The following RHBG variants were observed in gnomAD, a reference collection of about 807,000 sequenced individuals.
RHBG encodes the protein Rh family B glycoprotein.
In RHBG, 39 loss-of-function variants were observed where a neutral mutation model predicts 40.1. That is an observed-to-expected ratio of 0.97 (90% CI 0.75 to 1.27). RHBG has a LOEUF of 1.27. RHBG is among the 50% of genes most tolerant of loss of function. The pLI is 0.00. For missense variants in RHBG, 549 were observed against 588.1 expected, an observed-to-expected ratio of 0.93 and a Z score of 0.69; for synonymous variants, 237 against 252.5, an observed-to-expected ratio of 0.94 and a Z score of 0.58.
intron 1 of RHBG, among the ~76,000 whole-genome samples, chr1:156,370,177 G>A (rs546714016): frequency 6.6e-5 from 10 of 152,182 alleles, no homozygotes; most frequent in African/African-American, 1.7e-4. Flanking sequence ...GGCCGGGCGC[G>A]GTGCCTCATG....
intron 1 of RHBG, among the ~76,000 whole-genome samples, chr1:156,375,753 T>C (rs1276096111): frequency 6.6e-6 from 1 of 152,034 alleles, no homozygotes; most frequent in Non-Finnish European, 1.5e-5. Context: ...TTTCTTTTTT[T>C]TTTTTGACAC....
Position 156,381,421 on chromosome 1 carries a change from A to T in RHBG, c.748A>T (p.Thr250Ser), listed in dbSNP as rs760016272. Residue 250 changes from threonine (T) to serine (S), a missense_variant, in exon 5 of 10, where the codon ACG (threonine) becomes TCG (serine). Physicochemically the swap from Thr to Ser is moderately conservative, Grantham distance 58. Coordinates refer to ENST00000537040, the MANE Select transcript of RHBG (RefSeq NM_020407.5). ...LTALGAGQHR[T>S]ALNTYYSLAA... Reference sequence around the variant, plus strand: ...AGCGCTGGGGGCTGGGCAGCATCGGACGGCCCTCAACACATACTACTCCCT... The same window carrying T: ...AGCGCTGGGGGCTGGGCAGCATCGGTCGGCCCTCAACACATACTACTCCCT... 137 of 1,613,904 alleles carry T rather than the reference A, an allele frequency of 8.5e-5. No individual in the cohort carries two copies. The highest frequency in any genetic ancestry group is 1.1e-4 in the Non-Finnish European group (133 of 1,180,024).
chr1:156,384,973 T>A lies in RHBG; in HGVS notation c.*128T>A. 3.2e-6 allele frequency: 2 copies of A among 627,454 alleles called. No homozygotes were observed. The highest frequency in any genetic ancestry group is 2.7e-4 in the Middle Eastern group (1 of 3,728). The allele number at this position is 627,454 out of a possible 1,614,324, so 38.9% of individuals were successfully genotyped here. The stretch of plus-strand genomic sequence containing the variant: ...GAGCCATGAGCCAGAAGGAGGCCCC[T>A]TTCCACAGGCAGCGTCTCCACAGGG... On this transcript the variant is annotated 3_prime_UTR_variant, in exon 10 of 10. Coordinates refer to ENST00000537040, the MANE Select transcript of RHBG (RefSeq NM_020407.5).
At position 156,377,972 on chromosome 1, in the gene RHBG, C is replaced by A; in HGVS notation, c.375-18C>A. ...CTCTCTGACCCCTCTTGTGCTCCCA[C>A]TTCTGCCCCATCCCCAGCATGATCA... On this transcript the variant is annotated intron_variant, in intron 2 of 9. Coordinates refer to ENST00000537040, the MANE Select transcript of RHBG (RefSeq NM_020407.5). This position sits in a 1 kb window ranked among gnomAD's most constrained non-coding sequence, Gnocchi z 4.6. 3.9e-6 allele frequency: 6 copies of A among 1,531,124 alleles called. No homozygotes were observed. The highest frequency in any genetic ancestry group is 5.3e-6 in the Non-Finnish European group (6 of 1,136,394). The allele number at this position is 1,531,124 out of a possible 1,614,324, so 94.8% of individuals were successfully genotyped here.
intron 1 of RHBG, chr1:156,371,318 C>T (rs948045023): frequency 3.1e-6 from 1 of 317,728 alleles, no homozygotes; most frequent in African/African-American, 2.3e-5. Context: ...CACCAAAACA[C>T]CTAGATAAGT....
chr1:156,377,585 A>T lies in RHBG; in HGVS notation c.374+98A>T. The T allele has an allele frequency of 7.7e-7, 1 of 1,295,534 alleles. No individual in the cohort carries two copies. The highest frequency in any genetic ancestry group is 1.5e-5 in the South Asian group (1 of 68,512). 80.3% of individuals were successfully genotyped at this position (1,295,534 alleles called of 1,614,324 possible). A position where few individuals can be genotyped will look rare whatever the true frequency, so the allele number is the denominator to read the frequency against. Reference sequence around the variant, plus strand: ...CCCTGTCCTTCAAGTCTGCTTCCTGACTCACGATTCTGGGCGTCACTTGGT... The same window carrying T: ...CCCTGTCCTTCAAGTCTGCTTCCTGTCTCACGATTCTGGGCGTCACTTGGT... On this transcript the variant is annotated intron_variant, in intron 2 of 9. Transcript: ENST00000537040. The surrounding 1 kb of genome is among the most constrained non-coding windows in gnomAD (Gnocchi z 4.6).
Position 156,384,586 on chromosome 1 carries a change from C to G in RHBG, c.1294C>G (p.Gln432Glu), listed in dbSNP as rs2101814452. Reference protein sequence around the residue: ...SPPDSQHYEDQVHWQVPGEHE... With the variant: ...SPPDSQHYEDEVHWQVPGEHE... ...CCCAGACTCCCAGCACTACGAGGAC[C>G]AAGTTCACTGGCAGGTGAGACATTG... is the stretch of plus-strand genomic sequence containing the variant. The change falls in exon 9 of 10, where the codon CAA (glutamine) becomes GAA (glutamate). Residue 432 changes from glutamine to glutamate, a missense_variant. Physicochemically the swap from Gln to Glu is conservative, Grantham distance 29 (BLOSUM62 2). Transcript: ENST00000537040. 6.3e-7 allele frequency: 1 copy of G among 1,578,276 alleles called. No individual in the cohort carries two copies. The highest frequency in any genetic ancestry group is 1.4e-5 in the African/African-American group (1 of 74,022).
In RHBG at chr1:156,378,406, C is replaced by A. The variant is rs893874874; in HGVS notation, c.673+7C>A. 3 of 1,586,510 alleles carry A rather than the reference C, an allele frequency of 1.9e-6. No homozygotes were observed. The highest frequency in any genetic ancestry group is 1.3e-5 in the African/African-American group (1 of 74,370). ...GACCTCTTCGCCATGATTGGTGAGG[C>A]CTTCGAGGTGCGGTAGCAGGGCAGG... On this transcript the variant is annotated splice_region_variant and intron_variant, in intron 4 of 9. Transcript: ENST00000537040.
chr1:156,374,875 T>A, intron 1 of RHBG: 1 of 239,612 alleles, frequency 4.2e-6, no homozygotes, highest in Non-Finnish European at 8.4e-6. Context: ...CATGAGCCAC[T>A]TCACCTGGCC....
chr1:156,373,202 G>A (rs1666965566), intron 1 of RHBG, among the ~76,000 whole-genome samples: 1 of 152,098 alleles, frequency 6.6e-6, no homozygotes, highest in Non-Finnish European at 1.5e-5. Context: ...TGAGAGGACT[G>A]CTTGAAGCCA....
In RHBG at chr1:156,378,398, T is replaced by C; in HGVS notation, c.672T>C (p.Ile224=). 6.3e-7 allele frequency: 1 copy of C among 1,594,480 alleles called. No individual in the cohort carries two copies. Among genetic ancestry groups the C allele is most frequent in the South Asian group, 1.1e-5 (1 of 88,242 alleles). Residue 224 remains isoleucine, a splice_region_variant and synonymous_variant, in exon 4 of 10, where the codon ATT becomes ATC. Transcript: ENST00000537040. Reference sequence around the variant, plus strand: ...ACCATTCAGACCTCTTCGCCATGATTGGTGAGGCCTTCGAGGTGCGGTAGC... The same window carrying C: ...ACCATTCAGACCTCTTCGCCATGATCGGTGAGGCCTTCGAGGTGCGGTAGC... ...SVYHSDLFAM[I]GTIFLWIFWP... is the part of the protein sequence containing the mutation.
At chr1:156,383,858 A>T (rs1285682949) in intron 8 of RHBG, among the ~76,000 whole-genome samples, 2 of 84,586 alleles carry the variant, frequency 2.4e-5, no homozygotes, top group Non-Finnish European at 4.4e-5. Context: ...TTTGAGACGG[A>T]GTTTCGCTCT....
At chr1:156,369,515 T>C in intron 1 of RHBG, 79 bp downstream of exon 1, 1 of 1,429,318 alleles carries the variant, frequency 7.0e-7, no homozygotes, top group Non-Finnish European at 9.4e-7. Flanking sequence ...GGAGGGAGCA[T>C]TTGGGTGCCC....
Position 156,378,316 on chromosome 1 carries a change from C to G in RHBG, c.590C>G (p.Ser197Trp). 1 of 1,614,094 alleles carries G rather than the reference C, an allele frequency of 6.2e-7. No individual in the cohort carries two copies. The highest frequency in any genetic ancestry group is 1.1e-5 in the South Asian group (1 of 91,080). Residue 197 changes from serine to tryptophan, a missense_variant, in exon 4 of 10, where the codon TCG (serine) becomes TGG (tryptophan). By Grantham distance (177) the Ser-to-Trp change is radical. Transcript: ENST00000537040. ...GGTGCCTACTTCGGGCTCGTCCTTT[C>G]GCGGGTTCTGTACAGGCCCCAGCTG... ...TFGAYFGLVL[S>W]RVLYRPQLEK... is the part of the protein sequence containing the mutation.
Position 156,382,731 on chromosome 1 carries a change from A to C in RHBG, c.1113-17A>C, listed in dbSNP as rs757407713. 1 of 1,613,418 alleles carries C rather than the reference A, an allele frequency of 6.2e-7. No homozygotes were observed. The highest frequency in any genetic ancestry group is 2.2e-5 in the East Asian group (1 of 44,860). On this transcript the variant is annotated splice_polypyrimidine_tract_variant and intron_variant, in intron 7 of 9. Coordinates refer to ENST00000537040, the MANE Select transcript of RHBG (RefSeq NM_020407.5). ...CTCTCCCTACCCCTGCCTTTCCTCT[A>C]TCTGGTCTCCCTGCAGCCTGGAGAG... is the stretch of plus-strand genomic sequence containing the variant.
intron 4 of RHBG, 164 bp downstream of exon 4, chr1:156,378,563 T>C (rs921833168): frequency 1.8e-5 from 6 of 333,844 alleles, no homozygotes; most frequent in African/African-American, 2.2e-5. Flanking sequence ...CCTGCACTTA[T>C]CATTCTCAAC....
intron 1 of RHBG, among the ~76,000 whole-genome samples, chr1:156,375,925 A>G (rs1469218605): frequency 6.6e-6 from 1 of 151,924 alleles, no homozygotes; most frequent in Non-Finnish European, 1.5e-5. Context: ...ATTGTTTTAT[A>G]TAAATGGAGG....
Position 156,369,280 on chromosome 1 carries a change from C to G in RHBG, c.31C>G (p.Arg11Gly), listed in dbSNP as rs757131528. Reference protein sequence around the residue: MAGSPSRAAGRRLQLPLLCLF... With the variant: MAGSPSRAAGGRLQLPLLCLF... ...CGGGTCTCCTAGCCGCGCCGCGGGCCGGCGACTGCAGCTTCCCCTGCTGTG... is the reference window on the plus strand; with the variant it reads ...CGGGTCTCCTAGCCGCGCCGCGGGCGGGCGACTGCAGCTTCCCCTGCTGTG... Residue 11 changes from arginine (R) to glycine (G), a missense_variant, in exon 1 of 10, where the codon CGG becomes GGG. Transcript: ENST00000537040. 3 of 1,613,786 alleles carry G rather than the reference C, an allele frequency of 1.9e-6. No homozygotes were observed. The highest frequency in any genetic ancestry group is 2.5e-6 in the Non-Finnish European group (3 of 1,179,962).
At position 156,378,049 on chromosome 1, in the gene RHBG, G is replaced by A. The variant is rs368882815; in HGVS notation, c.434G>A (p.Gly145Asp). The A allele has an allele frequency of 1.3e-6, 2 of 1,596,380 alleles. No individual in the cohort carries two copies. The highest frequency in any genetic ancestry group is 2.7e-5 in the African/African-American group (2 of 74,576). The change falls in exon 3 of 10, where the codon GGC (glycine) becomes GAC (aspartate). Residue 145 changes from glycine (G) to aspartate (D), a missense_variant. By Grantham distance (94) the Gly-to-Asp change is moderately conservative. Coordinates refer to ENST00000537040, the MANE Select transcript of RHBG (RefSeq NM_020407.5). ...AVLISFGAVL[G>D]KTGPTQLLLM... ...CTCATCTCCTTTGGTGCCGTCCTGG[G>A]CAAGACCGGGCCTACCCAGCTGCTG...
Sources: allele counts gnomAD v4.1 joint callset (sites outside exome capture counted in the v4.1 genomes callset), GRCh38; gene constraint gnomAD v4.1.1; non-coding constraint Gnocchi (gnomAD v3.1); transcripts MANE v1.5; gene names NCBI Gene and HGNC (gene_info 2026-07-23, HGNC 2026-07-21).